The following POC1B variants were observed in gnomAD, a reference collection of about 807,000 sequenced individuals.
POC1B encodes POC1 centriolar protein B.
Under a neutral mutation model 60.6 loss-of-function variants are expected in POC1B, and 44 were observed. That is an observed-to-expected ratio of 0.73 (90% confidence interval 0.57 to 0.93). The LOEUF (loss-of-function observed/expected upper bound fraction) is 0.93, where lower values mean the gene tolerates loss of function less well. Ranked by LOEUF, POC1B falls within the 40% of genes least tolerant of loss-of-function variation. The pLI is 0.00. For synonymous variants in POC1B, 180 were observed against 198.9 expected (o/e 0.90, Z 0.80); for missense variants, 555 against 572.3 (o/e 0.97, Z 0.31).
chr12:89,517,055 G>C (rs148544240), intron 2 of POC1B, among the ~76,000 whole-genome samples: 2 of 152,178 alleles, frequency 1.3e-5, no homozygotes, highest in Admixed American at 6.5e-5. Flanking sequence ...GTTTTGGAGG[G>C]CCACCATTTA....
chr12:89,457,579 A>G (rs1882310122), intron 10 of POC1B, among the ~76,000 whole-genome samples: 1 of 152,200 alleles, frequency 6.6e-6, no homozygotes, highest in African/African-American at 2.4e-5. Flanking sequence ...AAACCAATTT[A>G]TAGCAAACAA....
At chr12:89,485,561 A>G (rs1868588079) in intron 4 of POC1B, among the ~76,000 whole-genome samples, 1 of 152,146 alleles carries the variant, frequency 6.6e-6, no homozygotes, top group Non-Finnish European at 1.5e-5. Context: ...TTTAAAAAAA[A>G]TCCCTCAGAA....
Position 89,444,089 on chromosome 12 carries a change from C to A in POC1B, c.1113+15549G>T, listed in dbSNP as rs539506983. 2.5e-3 allele frequency among the ~76,000 whole-genome samples: 385 copies of A among 152,212 alleles called. 5 individuals carry two copies. Among genetic ancestry groups the A allele is most frequent in the Admixed American group, 0.011 (167 of 15,284 alleles). On this transcript the variant is annotated intron_variant, in intron 10 of 11. Transcript: ENST00000313546. ...AACCCCTGAATAGACCAATAACAGG[C>A]TCTGAAACTGAGGCAATAATTAAGA...
intron 2 of POC1B, chr12:89,502,497 AG>A (rs753405551): frequency 4.8e-5 from 52 of 1,088,626 alleles, no homozygotes; most frequent in Non-Finnish European, 7.2e-5. Flanking sequence ...AAATCTAATA[AG>A]AAAAGGATCT....
At chr12:89,476,082 AT>A (rs1374897644) in intron 4 of POC1B, among the ~76,000 whole-genome samples, 2 of 151,686 alleles carry the variant, frequency 1.3e-5, no homozygotes, top group Middle Eastern at 3.4e-3. Context: ...AAGTTTTGTA[AT>A]TTTTGTAGAG....
At position 89,435,951 on chromosome 12, in the gene POC1B, G is replaced by GT. The variant is rs1196561616; in HGVS notation, c.1114-10573dup. Among the ~76,000 whole-genome samples the GT allele has an allele frequency of 3.8e-3, 543 of 142,074 alleles. 1 individual carries two copies. Among genetic ancestry groups the GT allele is most frequent in the Non-Finnish European group, 4.5e-3 (292 of 64,660 alleles). The allele number at this position is 142,074 out of a possible 152,430, so 93.2% of individuals were successfully genotyped here. A position where few individuals can be genotyped will look rare whatever the true frequency, so the allele number is the denominator to read the frequency against. ...CAGGAAGTTTTTTTCTTGTTTGTTT[G>GT]TTTTTTTTTTTTGAGACAGAATCTC... On this transcript the variant is annotated intron_variant, in intron 10 of 11. Transcript: ENST00000313546.
intron 3 of POC1B, 125 bp downstream of exon 3, chr12:89,497,046 G>A: frequency 2.1e-6 from 2 of 948,766 alleles, no homozygotes; most frequent in Non-Finnish European, 3.1e-6. Context: ...TACCACAAGG[G>A]CAGCATGCCT....
In POC1B at chr12:89,518,886, C is replaced by T. The variant is rs553674422; in HGVS notation, c.100+6234G>A. 3.3e-5 allele frequency among the ~76,000 whole-genome samples: 5 copies of T among 152,192 alleles called. No individual in the cohort carries two copies. The East Asian group carries it at 7.7e-4, about 24-fold the overall frequency. Reference sequence around the variant, plus strand: ...TATGTTTAGGTCACCTATATATATGCTAAATGCAGCTATAAGACCATCTGA... The same window carrying T: ...TATGTTTAGGTCACCTATATATATGTTAAATGCAGCTATAAGACCATCTGA... On this transcript the variant is annotated intron_variant, in intron 2 of 11. Transcript: ENST00000313546.
chr12:89,411,772 G>A, the POC1B span, among the ~76,000 whole-genome samples: 2 of 152,204 alleles, frequency 1.3e-5, no homozygotes, highest in African/African-American at 4.8e-5. Flanking sequence ...GCTGAAAGCG[G>A]TGAAGAAGGG....
chr12:89,412,848 T>TTCC, the POC1B span, among the ~76,000 whole-genome samples: 23,454 of 114,452 alleles, frequency 0.2, 2,308 homozygotes, highest in East Asian at 0.45. Context: ...CCTTCCTTCC[T>TTCC]TTCCTTCCTC....
chr12:89,510,699 T>A (rs1411862666), intron 2 of POC1B, among the ~76,000 whole-genome samples: 1 of 152,218 alleles, frequency 6.6e-6, no homozygotes, highest in East Asian at 1.9e-4. Context: ...AATTGCAGTT[T>A]TTGCTATTGA....
chr12:89,416,213 C>G (rs1271942936), downstream of POC1B, among the ~76,000 whole-genome samples: 2 of 152,196 alleles, frequency 1.3e-5, no homozygotes, highest in Non-Finnish European at 2.9e-5. Flanking sequence ...ATTGCAATCT[C>G]TGTTGTACCA....
In POC1B at chr12:89,478,608, A is replaced by G. The variant is rs549551809; in HGVS notation, c.453-6333T>C. Among the ~76,000 whole-genome samples the G allele has an allele frequency of 2.6e-5, 4 of 152,340 alleles. No homozygotes were observed. In the South Asian group the frequency reaches 6.2e-4, roughly 24 times the overall value. ...TTAAGGGAATTTAAACTAACTTAAT[A>G]TTATATATAGCCAATGTAAGCTGAG... On this transcript the variant is annotated intron_variant, in intron 4 of 11. Transcript: ENST00000313546.
In POC1B at chr12:89,518,116, A is replaced by G. The variant is rs117908148; in HGVS notation, c.100+7004T>C. 6.4e-3 allele frequency among the ~76,000 whole-genome samples: 963 copies of G among 151,576 alleles called. 5 individuals are homozygous for G. The highest frequency in any genetic ancestry group is 0.048 in the Middle Eastern group (14 of 292). On this transcript the variant is annotated intron_variant, in intron 2 of 11. Coordinates refer to ENST00000313546, the MANE Select transcript of POC1B (RefSeq NM_172240.3). Reference sequence around the variant, plus strand: ...TTTTTTTTTTTAAACATGACACAGCATCAGGAGGTCCTGAGGACATGTGCC... The same window carrying G: ...TTTTTTTTTTTAAACATGACACAGCGTCAGGAGGTCCTGAGGACATGTGCC...
rs1880726600 is a variant in POC1B, at chr12:89,425,528, A to C, written c.1114-149T>G. The C allele has an allele frequency of 5.5e-6, 3 of 540,950 alleles. No homozygotes were observed. The Admixed American group carries it at 1.1e-4, about 20-fold the overall frequency. 33.5% of individuals were successfully genotyped at this position (540,950 alleles called of 1,614,324 possible). ...ATAATAAGTTATGGAAATTACTATA[A>C]TTAAATAAGGAATTATTATAATTCT... On this transcript the variant is annotated intron_variant, in intron 10 of 11. Transcript: ENST00000313546.
At chr12:89,435,417 G>A (rs1348384359) in intron 10 of POC1B, among the ~76,000 whole-genome samples, 1 of 152,130 alleles carries the variant, frequency 6.6e-6, no homozygotes, top group African/African-American at 2.4e-5. Context: ...CTGACCTAAG[G>A]TGATCCACCT....
At chr12:89,402,948 C>T in the POC1B span, among the ~76,000 whole-genome samples, 2 of 150,924 alleles carry the variant, frequency 1.3e-5, no homozygotes, top group African/African-American at 4.9e-5. Context: ...GGAACTTCTG[C>T]CTCTGCCTCG....
intron 3 of POC1B, among the ~76,000 whole-genome samples, chr12:89,496,747 T>C (rs542494830): frequency 5.3e-5 from 8 of 152,252 alleles, no homozygotes; most frequent in Non-Finnish European, 1.0e-4. Context: ...TAATGAGTGA[T>C]ACAAATCAAA....
At chr12:89,473,089 T>C (rs1448427061) in intron 4 of POC1B, among the ~76,000 whole-genome samples, 2 of 151,816 alleles carry the variant, frequency 1.3e-5, no homozygotes, top group African/African-American at 4.8e-5. Context: ...TGAATAGTAT[T>C]TTTATTATTA....
Sources: allele counts gnomAD v4.1 joint callset (sites outside exome capture counted in the v4.1 genomes callset), GRCh38; gene constraint gnomAD v4.1.1; transcripts MANE v1.5; gene names NCBI Gene and HGNC (gene_info 2026-07-23, HGNC 2026-07-21).